The following PPFIA1 variants were observed in gnomAD, a reference collection of about 807,000 sequenced individuals.
The protein encoded by PPFIA1 is PPFI scaffold protein A1.
A neutral mutation model predicts 149.9 loss-of-function variants in PPFIA1; 25 were observed. The observed-to-expected ratio is 0.17, with a 90% confidence interval of 0.12 to 0.23. PPFIA1 has a LOEUF of 0.23. Ranked by LOEUF, PPFIA1 falls within the 10% of genes least tolerant of loss-of-function variation. The probability of loss-of-function intolerance (pLI) is 1.00; values close to 1 mark genes in which losing one functional copy is unlikely to be tolerated. For missense variants in PPFIA1, 1,362 were observed against 1,506.5 expected (o/e 0.90, Z 1.59); for synonymous variants, 549 against 552.8 (o/e 0.99, Z 0.10).
intron 2 of PPFIA1, among the ~76,000 whole-genome samples, chr11:70,286,736 CAAGAT>C (rs1462334791): frequency 1.3e-5 from 2 of 150,872 alleles, no homozygotes; most frequent in African/African-American, 4.9e-5. Context: ...CTTTTTGCAG[CAAGAT>C]CTTTCTTTCT....
At chr11:70,330,866 G>A (rs1026991479) in intron 8 of PPFIA1, among the ~76,000 whole-genome samples, 4 of 152,160 alleles carry the variant, frequency 2.6e-5, no homozygotes, top group African/African-American at 9.7e-5. Flanking sequence ...GAGCCCTGGA[G>A]TTCAAGGCTT....
intron 2 of PPFIA1, chr11:70,279,145 C>T (rs142622513): frequency 6.1e-5 from 33 of 543,862 alleles, no homozygotes; most frequent in African/African-American, 4.5e-4. Flanking sequence ...CTATTCACAG[C>T]GGCAGTCGCG....
At position 70,335,655 on chromosome 11, in the gene PPFIA1, A is replaced by G. The variant is rs774155528; in HGVS notation, c.1389A>G (p.Gln463=). The G allele has an allele frequency of 1.9e-6, 3 of 1,613,994 alleles. No homozygotes were observed. Among genetic ancestry groups the G allele is most frequent in the African/African-American group, 1.3e-5 (1 of 74,942 alleles). ...TTTCAGAATCTAATGAGAGGCTTCA[A>G]CTTCATCTTAAAGAGAGAATGGCTG... The part of the protein sequence containing the change: ...KLLSESNERL[Q]LHLKERMAAL... Residue 463 remains glutamine (Q), a synonymous_variant, in exon 11 of 28, where the codon CAA becomes CAG. Coordinates refer to ENST00000253925, the MANE Select transcript of PPFIA1 (RefSeq NM_003626.5).
intron 2 of PPFIA1, among the ~76,000 whole-genome samples, chr11:70,322,333 T>A (rs1028880746): frequency 2.0e-5 from 3 of 152,220 alleles, no homozygotes; most frequent in Non-Finnish European, 4.4e-5. Context: ...GAGTTAATTA[T>A]CAGAGATGTA....
At chr11:70,362,038 G>A in intron 19 of PPFIA1, 57 bp from the exon 20 acceptor site, 1 of 1,526,642 alleles carries the variant, frequency 6.6e-7, no homozygotes, top group Non-Finnish European at 9.1e-7. Context: ...TGGGATTACA[G>A]GTGTGAGCTA....
intron 4 of PPFIA1, chr11:70,325,263 C>T (rs753577028): frequency 1.4e-5 from 6 of 418,860 alleles, no homozygotes; most frequent in Non-Finnish European, 2.5e-5. Context: ...GCAAAACCTG[C>T]AATTACTTTT....
In PPFIA1 at chr11:70,311,836, C is replaced by CTT. The variant is rs140584652; in HGVS notation, c.265-12541_265-12540dup. On this transcript the variant is annotated intron_variant, in intron 2 of 27. Transcript: ENST00000253925. ...CAAACATGGAAGGACAGTGAGTCAGCTTTTTTTTTTTTTTTTTTTTTTTTT... is the reference window on the plus strand; with the variant it reads ...CAAACATGGAAGGACAGTGAGTCAGCTTTTTTTTTTTTTTTTTTTTTTTTTTT... 9.7e-3 allele frequency among the ~76,000 whole-genome samples: 682 copies of CTT among 70,078 alleles called. 116 individuals are homozygous for CTT. Among genetic ancestry groups the CTT allele is most frequent in the African/African-American group, 0.035 (569 of 16,448 alleles). 46.0% of individuals were successfully genotyped at this position (70,078 alleles called of 152,430 possible).
chr11:70,364,107 A>G (rs2056800971), intron 21 of PPFIA1, among the ~76,000 whole-genome samples: 1 of 152,172 alleles, frequency 6.6e-6, no homozygotes, highest in South Asian at 2.1e-4. Context: ...AAAGGGGAAA[A>G]TAAAGATGAG....
intron 12 of PPFIA1, 25 bp downstream of exon 12, chr11:70,337,452 T>C: frequency 2.6e-6 from 4 of 1,532,242 alleles, no homozygotes; most frequent in Non-Finnish European, 2.7e-6. Flanking sequence ...TCTAAATCCA[T>C]GAAGAGCCAA....
In PPFIA1 at chr11:70,326,314, T is replaced by C. The variant is rs571405866; in HGVS notation, c.659T>C (p.Val220Ala). 5.0e-6 allele frequency: 8 copies of C among 1,610,120 alleles called. No individual in the cohort carries two copies. In the African/African-American group the frequency reaches 5.4e-5, roughly 11 times the overall value. The change falls in exon 6 of 28, where the codon GTG becomes GCG. Residue 220 changes from valine (V) to alanine (A), a missense_variant. This residue lies in a region of PPFIA1 where 733 missense variants were observed against 744.1 expected (regional missense o/e 0.99). Transcript: ENST00000253925. Reference sequence around the variant, plus strand: ...CAGAAAAAAACTCTAACAGATGGAGTGCTGGACATAAACCATGAACAAGAA... The same window carrying C: ...CAGAAAAAAACTCTAACAGATGGAGCGCTGGACATAAACCATGAACAAGAA... ...NNQKKTLTDG[V>A]LDINHEQENT...
chr11:70,319,576 C>T (rs1565388851), intron 2 of PPFIA1, among the ~76,000 whole-genome samples: 1 of 152,150 alleles, frequency 6.6e-6, no homozygotes, highest in Non-Finnish European at 1.5e-5. Flanking sequence ...TTTCATTGCT[C>T]CAACACACCC....
Position 70,324,935 on chromosome 11 carries a change from C to T in PPFIA1, c.455C>T (p.Ala152Val). The T allele has an allele frequency of 1.2e-6, 2 of 1,614,082 alleles. No homozygotes were observed. The highest frequency in any genetic ancestry group is 1.7e-5 in the Admixed American group (1 of 59,976). The change falls in exon 4 of 28, where the codon GCA (alanine) becomes GTA (valine). Residue 152 changes from alanine to valine, a missense_variant. By Grantham distance (64) the Ala-to-Val change is moderately conservative. This residue lies in a region of PPFIA1 where 79 missense variants were observed against 146.2 expected (regional missense o/e 0.54). Coordinates refer to ENST00000253925, the MANE Select transcript of PPFIA1 (RefSeq NM_003626.5). Reference protein sequence around the residue: ...TVVKRQAQSPAGVSSEVEVLK... With the variant: ...TVVKRQAQSPVGVSSEVEVLK... Reference sequence around the variant, plus strand: ...GTGAAGAGACAAGCGCAGTCTCCAGCAGGCGTGTCCAGCGAAGTGGAAGTG... The same window carrying T: ...GTGAAGAGACAAGCGCAGTCTCCAGTAGGCGTGTCCAGCGAAGTGGAAGTG...
At chr11:70,377,009 G>A (rs35585921) in intron 25 of PPFIA1, among the ~76,000 whole-genome samples, 2,397 of 151,980 alleles carry the variant, frequency 0.016, 24 homozygotes, top group Non-Finnish European at 0.024. Flanking sequence ...GGAGGTGGAG[G>A]TTGCAGTGAG....
intron 15 of PPFIA1, among the ~76,000 whole-genome samples, chr11:70,346,701 G>T (rs2055725016): frequency 6.6e-6 from 1 of 152,162 alleles, no homozygotes; most frequent in African/African-American, 2.4e-5. Context: ...TATTTCTTAT[G>T]ATGTATAGCT....
chr11:70,327,578 T>C (rs2054385148), intron 7 of PPFIA1: 1 of 152,166 alleles, frequency 6.6e-6, no homozygotes, highest in Non-Finnish European at 1.5e-5. Context: ...GAGACCATCC[T>C]GGCTAACACG....
intron 2 of PPFIA1, among the ~76,000 whole-genome samples, chr11:70,279,904 G>GGTGTGTGTGTGTGTGTGTGTGTGTGT (rs1565335096): frequency 6.1e-5 from 6 of 98,648 alleles, no homozygotes; most frequent in South Asian, 2.4e-4. Context: ...GTGTGTGGGG[G>GGTGTGTGTGTGTGTGTGTGTGTGTGT]ATGTGTGTGT....
intron 8 of PPFIA1, 77 bp downstream of exon 8, chr11:70,330,396 A>G (rs2054582844): frequency 1.5e-6 from 2 of 1,296,916 alleles, no homozygotes; most frequent in Non-Finnish European, 2.1e-6. Context: ...TCTCACTTTC[A>G]TGTTGGAAAT....
chr11:70,354,531 T>C, intron 17 of PPFIA1, 79 bp downstream of exon 17: 2 of 1,438,438 alleles, frequency 1.4e-6, no homozygotes, highest in African/African-American at 2.9e-5. Flanking sequence ...AAATCTTTCC[T>C]TGAGTAAAAC....
At chr11:70,339,330 T>C (rs2055169487) in intron 14 of PPFIA1, 24 bp downstream of exon 14, 1 of 1,599,626 alleles carries the variant, frequency 6.3e-7, no homozygotes, top group Non-Finnish European at 8.5e-7. Flanking sequence ...GTGAAATACC[T>C]CTGCTTACGT....
Sources: gnomAD v4.1 joint callset for allele counts (sites outside exome capture counted in the v4.1 genomes callset) on GRCh38, gnomAD v4.1.1 for gene constraint, gnomAD v4.1.1 regional missense constraint, MANE v1.5 for transcripts, NCBI Gene and HGNC (gene_info 2026-07-23, HGNC 2026-07-21) for gene names.